KCNC2: variants seen among roughly 807,000 people sequenced by gnomAD.
KCNC2 encodes potassium voltage-gated channel subfamily C member 2.
KCNC2 carries 21 observed loss-of-function variants against 44.5 expected under a neutral mutation model. That is an observed-to-expected ratio of 0.47 (90% CI 0.33 to 0.68). The LOEUF (loss-of-function observed/expected upper bound fraction) is 0.68. Ranked by LOEUF, KCNC2 falls within the 30% of genes least tolerant of loss-of-function variation. KCNC2 has a pLI of 0.01. For synonymous variants in KCNC2, 391 were observed against 339.1 expected, an observed-to-expected ratio of 1.15 and a Z score of -1.68; for missense variants, 589 against 826.2, an observed-to-expected ratio of 0.71 and a Z score of 3.52.
At chr12:75,141,483 A>C (rs764549453) in intron 2 of KCNC2, among the ~76,000 whole-genome samples, 1 of 152,196 alleles carries the variant, frequency 6.6e-6, no homozygotes, top group Non-Finnish European at 1.5e-5. Context: ...ATGTGCTGGC[A>C]CTTTTCCTAA....
chr12:75,190,787 A>G (rs1054789520), intron 2 of KCNC2, among the ~76,000 whole-genome samples: 4 of 152,186 alleles, frequency 2.6e-5, no homozygotes, highest in African/African-American at 9.6e-5. Flanking sequence ...AAGCAGTAGT[A>G]GCAATTAAAC....
chr12:75,147,100 A>C (rs1393810334), intron 2 of KCNC2, among the ~76,000 whole-genome samples: 4 of 152,202 alleles, frequency 2.6e-5, no homozygotes, highest in Admixed American at 6.5e-5. Flanking sequence ...ATACTCAAAA[A>C]TTCTTACCAT....
intron 2 of KCNC2, among the ~76,000 whole-genome samples, chr12:75,166,356 T>C (rs893787765): frequency 1.3e-5 from 2 of 150,870 alleles, no homozygotes; most frequent in Non-Finnish European, 3.0e-5. Flanking sequence ...ATTCAACAAT[T>C]GCAGTTAGTG....
chr12:75,124,475 G>T (rs536160624), intron 2 of KCNC2, among the ~76,000 whole-genome samples: 9 of 152,278 alleles, frequency 5.9e-5, no homozygotes, highest in Non-Finnish European at 1.2e-4. Flanking sequence ...TAAGTATGCA[G>T]TCATACAGAG....
At chr12:75,109,548 T>A (rs1324722753) in intron 2 of KCNC2, among the ~76,000 whole-genome samples, 1 of 152,188 alleles carries the variant, frequency 6.6e-6, no homozygotes, top group Admixed American at 6.5e-5. Flanking sequence ...TATTAAGGCT[T>A]GCGCTGCACC....
chr12:75,044,767 G>C (rs1880294338), intron 4 of KCNC2: 1 of 151,940 alleles, frequency 6.6e-6, no homozygotes, highest in African/African-American at 2.4e-5. Flanking sequence ...AAATTTTGTA[G>C]ATAGAAATTT....
At chr12:75,062,576 A>G (rs1327368423) in intron 2 of KCNC2, among the ~76,000 whole-genome samples, 6 of 152,138 alleles carry the variant, frequency 3.9e-5, no homozygotes, top group Admixed American at 1.3e-4. Context: ...TCAGTTTAAG[A>G]CTAAAGTATC....
chr12:75,138,581 G>C (rs1037042724), intron 2 of KCNC2, among the ~76,000 whole-genome samples: 6 of 152,084 alleles, frequency 3.9e-5, no homozygotes, highest in African/African-American at 1.4e-4. Flanking sequence ...TAAAGTTTGA[G>C]AACAAGGTAT....
chr12:75,198,674 C>T (rs1263010407), intron 2 of KCNC2, among the ~76,000 whole-genome samples: 1 of 151,796 alleles, frequency 6.6e-6, no homozygotes, highest in Admixed American at 6.6e-5. Context: ...ATTTCCGGTA[C>T]AATTATTATA....
At chr12:75,157,329 T>G (rs1890829535) in intron 2 of KCNC2, among the ~76,000 whole-genome samples, 1 of 151,792 alleles carries the variant, frequency 6.6e-6, no homozygotes, top group African/African-American at 2.4e-5. Context: ...TAGCAGTCAT[T>G]TTGTGGTTAT....
intron 2 of KCNC2, among the ~76,000 whole-genome samples, chr12:75,203,360 G>A (rs1437276221): frequency 6.6e-6 from 1 of 151,742 alleles, no homozygotes; most frequent in South Asian, 2.1e-4. Flanking sequence ...CTTCTACGGA[G>A]TACGTTTTGG....
chr12:75,173,131 A>G (rs775020404), intron 2 of KCNC2, among the ~76,000 whole-genome samples: 4 of 151,924 alleles, frequency 2.6e-5, no homozygotes, highest in Non-Finnish European at 5.9e-5. Flanking sequence ...ATTATTTACT[A>G]GTTCTACTCC....
intron 2 of KCNC2, among the ~76,000 whole-genome samples, chr12:75,201,014 C>T (rs1317210695): frequency 6.6e-6 from 1 of 151,242 alleles, no homozygotes; most frequent in African/African-American, 2.4e-5. Flanking sequence ...AATCGGTTAC[C>T]CTTGCAGGTG....
At chr12:75,177,795 T>C (rs1263923249) in intron 2 of KCNC2, among the ~76,000 whole-genome samples, 1 of 152,092 alleles carries the variant, frequency 6.6e-6, no homozygotes, top group Non-Finnish European at 1.5e-5. Flanking sequence ...AATGGGATTT[T>C]TCTTGGACCA....
chr12:75,090,861 A>T (rs1408070078), intron 2 of KCNC2, among the ~76,000 whole-genome samples: 2 of 151,708 alleles, frequency 1.3e-5, no homozygotes, highest in Admixed American at 6.6e-5. Context: ...ATGCCTGAAT[A>T]GACAAATTAA....
chr12:75,178,596 CTG>C (rs1229976417), intron 2 of KCNC2, among the ~76,000 whole-genome samples: 1 of 152,030 alleles, frequency 6.6e-6, no homozygotes, highest in Non-Finnish European at 1.5e-5. Context: ...AGCTTACCAA[CTG>C]TGTAAACTAC....
chr12:75,168,551 A>T (rs1246033475), intron 2 of KCNC2, among the ~76,000 whole-genome samples: 1 of 151,598 alleles, frequency 6.6e-6, no homozygotes, highest in African/African-American at 2.4e-5. Flanking sequence ...ACCAGGGAAA[A>T]TATAATTAAG....
chr12:75,081,407 C>CT (rs1565837617), intron 2 of KCNC2, among the ~76,000 whole-genome samples: 1 of 104,558 alleles, frequency 9.6e-6, no homozygotes, highest in Non-Finnish European at 1.9e-5. Flanking sequence ...TTTAAACATT[C>CT]ATTTTTTTTT....
At chr12:75,166,688 T>C (rs756516863) in intron 2 of KCNC2, among the ~76,000 whole-genome samples, 27 of 151,188 alleles carry the variant, frequency 1.8e-4, no homozygotes, top group South Asian at 1.2e-3. Flanking sequence ...AGTCAGAAAT[T>C]AAACAACACA....
Sources: allele counts gnomAD v4.1 joint callset (sites outside exome capture counted in the v4.1 genomes callset), GRCh38; gene constraint gnomAD v4.1.1; transcripts MANE v1.5; gene names NCBI Gene and HGNC (gene_info 2026-07-23, HGNC 2026-07-21).